The following ACOX2 variants were observed in gnomAD, a reference collection of about 807,000 sequenced individuals.
The protein encoded by ACOX2 is peroxisomal acyl-coenzyme A oxidase 2.
In ACOX2, 59 loss-of-function variants were observed where a neutral mutation model predicts 77.5. That is an observed-to-expected ratio of 0.76 (90% CI 0.62 to 0.95). The LOEUF is 0.95. ACOX2 is among the 40% of genes least tolerant of loss of function. The pLI is 0.00. For missense variants in ACOX2, 837 were observed against 880.4 expected (o/e 0.95, Z 0.62); for synonymous variants, 317 against 340.1 (o/e 0.93, Z 0.75).
chr3:58,528,476 A>G lies in ACOX2; in HGVS notation c.1155+318T>C, dbSNP rs563947731. On this transcript the variant is annotated intron_variant, in intron 9 of 14. Transcript: ENST00000302819. The surrounding 1 kb of genome is among the most constrained non-coding windows in gnomAD (Gnocchi z 5.6). ...AAATCAGGTCAGTTCAGGTCAAACT[A>G]TGCCACCAAATGAGTTCCAAACAAC... is the stretch of plus-strand genomic sequence containing the variant. 6.6e-6 allele frequency among the ~76,000 whole-genome samples: 1 copy of G among 152,356 alleles called. No individual in the cohort carries two copies. Among genetic ancestry groups the G allele is most frequent in the South Asian group, 2.1e-4 (1 of 4,828 alleles).
intron 12 of ACOX2, among the ~76,000 whole-genome samples, chr3:58,518,307 A>G (rs1429015750): frequency 6.6e-6 from 1 of 152,104 alleles, no homozygotes; most frequent in Admixed American, 6.5e-5. Context: ...TAAAAATAAT[A>G]CTTTAATACC....
rs1035702769 is a variant in ACOX2 at position 58,524,437 on chromosome 3, A to G, written c.1515T>C (p.His505=). 5 of 1,613,264 alleles carry G rather than the reference A, an allele frequency of 3.1e-6. No individual in the cohort carries two copies. The highest frequency in any genetic ancestry group is 4.2e-6 in the Non-Finnish European group (5 of 1,179,374). The change falls in exon 11 of 15, where the codon CAT becomes CAC. Residue 505 remains histidine, a synonymous_variant. Transcript: ENST00000302819. The surrounding 1 kb of genome is among the most constrained non-coding windows in gnomAD (Gnocchi z 5.5). The part of the protein sequence containing the change: ...CPELYTTAWA[H]VAVRLIKDSV... ...CAGCACTGGCTTACCTTACTGCCAC[A>G]TGTGCCCAGGCCGTGGTGTAGAGCT...
chr3:58,513,258 T>C (rs2063300143), intron 13 of ACOX2, among the ~76,000 whole-genome samples: 1 of 152,212 alleles, frequency 6.6e-6, no homozygotes, highest in African/African-American at 2.4e-5. Flanking sequence ...CTCTAGTCTG[T>C]AGGCATCTGT....
Position 58,510,691 on chromosome 3 carries a change from TATATATATATATATATATACACACACAC to T in ACOX2, c.1851-1694_1851-1667del, listed in dbSNP as rs1256824643. 3.7e-4 allele frequency among the ~76,000 whole-genome samples: 7 copies of T among 18,892 alleles called. 1 individual carries two copies. The highest frequency in any genetic ancestry group is 4.3e-4 in the Non-Finnish European group (5 of 11,616). 12.4% of individuals were successfully genotyped at this position (18,892 alleles called of 152,430 possible). ...ATATATATATATATATATATATATATATATATATATATATATATACACACACACACACACACACACACACACACACTCA... is the reference window on the plus strand; with the variant it reads ...ATATATATATATATATATATATATATACACACACACACACACACACACTCA... On this transcript the variant is annotated intron_variant, in intron 13 of 14. Coordinates refer to ENST00000302819, the MANE Select transcript of ACOX2 (RefSeq NM_003500.4).
Position 58,534,019 on chromosome 3 carries a change from C to T in ACOX2, c.450G>A (p.Thr150=), listed in dbSNP as rs532557739. Residue 150 remains threonine, a synonymous_variant, in exon 4 of 15, where the codon ACG becomes ACA. Coordinates refer to ENST00000302819, the MANE Select transcript of ACOX2 (RefSeq NM_003500.4). This position sits in a 1 kb window ranked among gnomAD's most constrained non-coding sequence, Gnocchi z 4.8. ...CATGTCCCAACTCTGTCTGTGCATA[C>T]GTTGCGATGATCTGGATGTTTTTGC... ...PLCKNIQIIA[T]YAQTELGHGT... is the part of the protein sequence containing the mutation. 136 of 1,614,188 alleles carry T rather than the reference C, an allele frequency of 8.4e-5. No individual in the cohort carries two copies. The highest frequency in any genetic ancestry group is 8.0e-4 in the South Asian group (73 of 91,076).
intron 5 of ACOX2, among the ~76,000 whole-genome samples, chr3:58,532,426 G>A (rs1027568340): frequency 2.0e-5 from 3 of 147,586 alleles, no homozygotes; most frequent in East Asian, 2.0e-4. Flanking sequence ...TCACTCTTTC[G>A]CCAGGCTGGA....
At chr3:58,517,503 T>C (rs2063329807) in intron 12 of ACOX2, 80 bp from the exon 13 acceptor site, 2 of 1,391,104 alleles carry the variant, frequency 1.4e-6, no homozygotes, top group East Asian at 4.6e-5. Flanking sequence ...GCAAGATGGC[T>C]GGAATAAACT....
In ACOX2 at chr3:58,515,755, TG is replaced by T. The variant is rs1450314016; in HGVS notation, c.1850+1450del. On this transcript the variant is annotated intron_variant, in intron 13 of 14. Transcript: ENST00000302819. This position sits in a 1 kb window ranked among gnomAD's most constrained non-coding sequence, Gnocchi z 4.0. ...CCATTTTTTTTAATCTTATGGACAA[TG>T]GTAAATAATTTGCAATGTTTTCTTT... is the stretch of plus-strand genomic sequence containing the variant. Among the ~76,000 whole-genome samples the T allele has an allele frequency of 6.6e-6, 1 of 152,150 alleles. No homozygotes were observed. The highest frequency in any genetic ancestry group is 6.6e-5 in the Admixed American group (1 of 15,266).
At chr3:58,520,951 A>G (rs2063353932) in intron 12 of ACOX2, among the ~76,000 whole-genome samples, 1 of 152,196 alleles carries the variant, frequency 6.6e-6, no homozygotes, top group Non-Finnish European at 1.5e-5. Flanking sequence ...TCACCCTTGA[A>G]GTGGAAATAA....
chr3:58,520,243 C>T (rs1002832862), intron 12 of ACOX2, among the ~76,000 whole-genome samples: 2 of 152,224 alleles, frequency 1.3e-5, no homozygotes, highest in Admixed American at 6.5e-5. Flanking sequence ...GAGACTGAGG[C>T]TCTGAAAGAT....
intron 1 of ACOX2, among the ~76,000 whole-genome samples, chr3:58,536,851 C>G (rs1400087439): frequency 2.0e-5 from 3 of 152,300 alleles, no homozygotes; most frequent in Non-Finnish European, 2.9e-5. Flanking sequence ...TCACTTATCC[C>G]CTTCTGACAT....
chr3:58,510,632 C>CAAAA (rs869206771), intron 13 of ACOX2, among the ~76,000 whole-genome samples: 3 of 6,840 alleles, frequency 4.4e-4, no homozygotes, highest in African/African-American at 4.4e-4. Context: ...GACTCCCGCT[C>CAAAA]AAAAAAAAAA....
At position 58,531,537 on chromosome 3, in the gene ACOX2, C is replaced by T. The variant is rs940502696; in HGVS notation, c.703+156G>A. 5.3e-6 allele frequency: 7 copies of T among 1,314,498 alleles called. No individual in the cohort carries two copies. Among genetic ancestry groups the T allele is most frequent in the African/African-American group, 4.4e-5 (3 of 67,944 alleles). 81.4% of individuals were successfully genotyped at this position (1,314,498 alleles called of 1,614,324 possible). On this transcript the variant is annotated intron_variant, in intron 6 of 14. Coordinates refer to ENST00000302819, the MANE Select transcript of ACOX2 (RefSeq NM_003500.4). The surrounding 1 kb of genome is among the most constrained non-coding windows in gnomAD (Gnocchi z 5.8). Reference sequence around the variant, plus strand: ...AGATGCTAAATCTTGCTCAAGTTCACCTAGCCAGTTAGCACCAAGTCTGTC... The same window carrying T: ...AGATGCTAAATCTTGCTCAAGTTCATCTAGCCAGTTAGCACCAAGTCTGTC...
Position 58,514,568 on chromosome 3 carries a change from T to C in ACOX2, c.1850+2638A>G, listed in dbSNP as rs1048489046. 4.6e-5 allele frequency among the ~76,000 whole-genome samples: 7 copies of C among 152,162 alleles called. No homozygotes were observed. Among genetic ancestry groups the C allele is most frequent in the African/African-American group, 9.7e-5 (4 of 41,430 alleles). On this transcript the variant is annotated intron_variant, in intron 13 of 14. Transcript: ENST00000302819. This position sits in a 1 kb window ranked among gnomAD's most constrained non-coding sequence, Gnocchi z 4.3. ...GGCAGGGAACTGTGACACCAAACAG[T>C]GATATGCATAGAATCTGTTATGTGC...
rs1038904658 is a variant in ACOX2 at position 58,512,453 on chromosome 3, T to G, written c.1851-3428A>C. 6.6e-6 allele frequency among the ~76,000 whole-genome samples: 1 copy of G among 152,178 alleles called. No homozygotes were observed. Among genetic ancestry groups the G allele is most frequent in the African/African-American group, 2.4e-5 (1 of 41,438 alleles). On this transcript the variant is annotated intron_variant, in intron 13 of 14. Coordinates refer to ENST00000302819, the MANE Select transcript of ACOX2 (RefSeq NM_003500.4). This position sits in a 1 kb window ranked among gnomAD's most constrained non-coding sequence, Gnocchi z 4.8. Reference sequence around the variant, plus strand: ...AAGCCTTTAAAAATACACATCAGATTCTTTTAGGTTGTGTCTATCCAATGC... The same window carrying G: ...AAGCCTTTAAAAATACACATCAGATGCTTTTAGGTTGTGTCTATCCAATGC...
intron 13 of ACOX2, among the ~76,000 whole-genome samples, chr3:58,510,431 G>A (rs202188037): frequency 2.7e-4 from 41 of 151,258 alleles, no homozygotes; most frequent in South Asian, 2.1e-4. Flanking sequence ...TCAGGAGTTC[G>A]AGACCAGCCT....
Position 58,522,148 on chromosome 3 carries a change from T to A in ACOX2, c.1632+348A>T, listed in dbSNP as rs2063363045. Reference sequence around the variant, plus strand: ...ATATTTGCCGACCGACTGTGAATTATGCAGAAACACAAAACGAGTGGAAAT... The same window carrying A: ...ATATTTGCCGACCGACTGTGAATTAAGCAGAAACACAAAACGAGTGGAAAT... On this transcript the variant is annotated intron_variant, in intron 12 of 14. Transcript: ENST00000302819. The surrounding 1 kb of genome is among the most constrained non-coding windows in gnomAD (Gnocchi z 4.3). Among the ~76,000 whole-genome samples, 1 of 152,224 alleles carries A rather than the reference T, an allele frequency of 6.6e-6. No individual in the cohort carries two copies. Among genetic ancestry groups the A allele is most frequent in the Non-Finnish European group, 1.5e-5 (1 of 68,040 alleles).
In ACOX2 at chr3:58,507,344, A is replaced by G. The variant is rs1333397720; in HGVS notation, c.1983+1549T>C. On this transcript the variant is annotated intron_variant, in intron 14 of 14. Coordinates refer to ENST00000302819, the MANE Select transcript of ACOX2 (RefSeq NM_003500.4). Reference sequence around the variant, plus strand: ...GAAGTGAATGGGATGAAGTGCATCAATGTTTTCCCAAATGTGTTGACCCTC... The same window carrying G: ...GAAGTGAATGGGATGAAGTGCATCAGTGTTTTCCCAAATGTGTTGACCCTC... Among the ~76,000 whole-genome samples, 3 of 152,362 alleles carry G rather than the reference A, an allele frequency of 2.0e-5. No individual in the cohort carries two copies. The East Asian group carries it at 5.8e-4, about 29-fold the overall frequency.
At chr3:58,518,745 A>G (rs919117303) in intron 12 of ACOX2, among the ~76,000 whole-genome samples, 4 of 149,792 alleles carry the variant, frequency 2.7e-5, no homozygotes, top group Non-Finnish European at 5.9e-5. Flanking sequence ...TGATTCTCCC[A>G]CCTCAGCCTC....
Sources: allele counts gnomAD v4.1 joint callset (sites outside exome capture counted in the v4.1 genomes callset), GRCh38; gene constraint gnomAD v4.1.1; non-coding constraint Gnocchi (gnomAD v3.1); transcripts MANE v1.5; gene names NCBI Gene and HGNC (gene_info 2026-07-23, HGNC 2026-07-21).